The following KLHL20 variants were observed in gnomAD, a reference collection of about 807,000 sequenced individuals.
KLHL20 encodes the protein kelch-like protein 20.
KLHL20 carries 29 observed loss-of-function variants against 69.5 expected under a neutral mutation model. That is an observed-to-expected ratio of 0.42 (90% CI 0.31 to 0.57). The LOEUF is 0.57. KLHL20 is among the 20% of genes least tolerant of loss of function. The pLI, the probability that KLHL20 is intolerant of heterozygous loss-of-function variation, is 0.18. For missense variants in KLHL20, 419 were observed against 776.0 expected (o/e 0.54, Z 5.47); for synonymous variants, 253 against 265.2 (o/e 0.95, Z 0.45).
rs1202132760 is a variant in KLHL20 at position 173,733,892 on chromosome 1, G to GTGA, written c.206_208dup (p.Asp69dup). The GTGA allele has an allele frequency of 6.2e-7, 1 of 1,614,188 alleles. No individual in the cohort carries two copies. The highest frequency in any genetic ancestry group is 1.1e-5 in the South Asian group (1 of 91,086). ...CTTCTGAGAAAGCACCGGGAGCTATGTGATGTGGTGCTAGTTGTGGGCGCC... is the reference window on the plus strand; with the variant it reads ...CTTCTGAGAAAGCACCGGGAGCTATGTGATGATGTGGTGCTAGTTGTGGGCGCC... On this transcript the variant is annotated inframe_insertion, in exon 3 of 12. Coordinates refer to ENST00000209884, the MANE Select transcript of KLHL20 (RefSeq NM_014458.4).
intron 3 of KLHL20, among the ~76,000 whole-genome samples, chr1:173,742,920 G>A (rs1672886184): frequency 6.6e-6 from 1 of 151,606 alleles, no homozygotes; most frequent in Non-Finnish European, 1.5e-5. Context: ...TGGTTTGATT[G>A]CATAAAAGTT....
intron 10 of KLHL20, 109 bp downstream of exon 10, chr1:173,775,951 G>C: frequency 1.1e-6 from 1 of 900,028 alleles, no homozygotes; most frequent in African/African-American, 1.7e-5. Flanking sequence ...CCTTTCTTTG[G>C]GGTATATACC....
intron 11 of KLHL20, 99 bp downstream of exon 11, chr1:173,782,329 T>G (rs1037088563): frequency 1.2e-6 from 1 of 823,866 alleles, no homozygotes; most frequent in Non-Finnish European, 2.0e-6. Flanking sequence ...GTCAGTACAT[T>G]GGAGTACTTT....
chr1:173,744,660 C>A (rs1270181879), intron 3 of KLHL20, among the ~76,000 whole-genome samples: 1 of 151,994 alleles, frequency 6.6e-6, no homozygotes, highest in Non-Finnish European at 1.5e-5. Context: ...CTAATTTTAT[C>A]TTTTTCCAAA....
At chr1:173,763,656 A>G (rs1219233413) in intron 7 of KLHL20, among the ~76,000 whole-genome samples, 2 of 152,134 alleles carry the variant, frequency 1.3e-5, no homozygotes, top group Non-Finnish European at 2.9e-5. Flanking sequence ...CTTTTCAACA[A>G]ATGTTGCTGG....
At chr1:173,715,362 T>TG (rs1671420378) in intron 1 of KLHL20, 1 of 152,292 alleles carries the variant, frequency 6.6e-6, no homozygotes, top group African/African-American at 2.4e-5. Context: ...CCCCAGACAG[T>TG]GTTTGGAATT....
At chr1:173,737,949 C>CTTTTTTTTTTTTTTTTTT (rs79506793) in intron 3 of KLHL20, among the ~76,000 whole-genome samples, 1 of 138,168 alleles carries the variant, frequency 7.2e-6, no homozygotes, top group Non-Finnish European at 1.6e-5. Context: ...AGTATTTTAT[C>CTTTTTTTTTTTTTTTTTT]TTTTTTTTTT....
chr1:173,763,331 A>T (rs1020783634), intron 7 of KLHL20, among the ~76,000 whole-genome samples: 1 of 152,306 alleles, frequency 6.6e-6, no homozygotes, highest in South Asian at 2.1e-4. Flanking sequence ...TACAAATTCA[A>T]TGCAATCACC....
chr1:173,716,575 T>C (rs1463829700), intron 2 of KLHL20, among the ~76,000 whole-genome samples: 1 of 152,142 alleles, frequency 6.6e-6, no homozygotes, highest in Non-Finnish European at 1.5e-5. Flanking sequence ...ACTTAGTCCA[T>C]AGAAAAATAG....
At chr1:173,740,599 T>C (rs968897970) in intron 3 of KLHL20, among the ~76,000 whole-genome samples, 6 of 152,192 alleles carry the variant, frequency 3.9e-5, no homozygotes, top group African/African-American at 1.4e-4. Context: ...ATCACTATTA[T>C]TGTCAGTTTA....
chr1:173,749,608 T>C (rs1673215072), intron 3 of KLHL20, among the ~76,000 whole-genome samples: 1 of 152,210 alleles, frequency 6.6e-6, no homozygotes, highest in African/African-American at 2.4e-5. Context: ...ATTTTTACTC[T>C]CTGCTCTTAG....
At chr1:173,728,975 C>T (rs6425253) in intron 2 of KLHL20, among the ~76,000 whole-genome samples, 38,589 of 151,832 alleles carry the variant, frequency 0.25, 5,022 homozygotes, top group Middle Eastern at 0.39. Flanking sequence ...ATTGATAGAC[C>T]GCTAGCAAGA....
At chr1:173,746,979 T>G (rs1373904440) in intron 3 of KLHL20, among the ~76,000 whole-genome samples, 2 of 151,972 alleles carry the variant, frequency 1.3e-5, no homozygotes, top group Non-Finnish European at 2.9e-5. Context: ...AAGCTATTAA[T>G]AGTTTTTTTT....
chr1:173,740,123 CTTTTTTT>C (rs377138582), intron 3 of KLHL20, among the ~76,000 whole-genome samples: 1 of 122,248 alleles, frequency 8.2e-6, no homozygotes. Context: ...TTTCTTTTTT[CTTTTTTT>C]TTTTTTTTAA....
chr1:173,742,951 A>G (rs967290536), intron 3 of KLHL20, among the ~76,000 whole-genome samples: 3 of 151,786 alleles, frequency 2.0e-5, no homozygotes, highest in Non-Finnish European at 2.9e-5. Context: ...GTTCTTTCCA[A>G]CATAAAAAGC....
intron 2 of KLHL20, among the ~76,000 whole-genome samples, chr1:173,731,854 T>TA (rs1672293987): frequency 6.6e-6 from 1 of 151,940 alleles, no homozygotes; most frequent in Non-Finnish European, 1.5e-5. Flanking sequence ...CCCTAAAACT[T>TA]AAAGTATAAT....
intron 2 of KLHL20, among the ~76,000 whole-genome samples, chr1:173,731,872 AC>A (rs1428670607): frequency 1.3e-5 from 2 of 152,142 alleles, no homozygotes; most frequent in East Asian, 1.9e-4. Flanking sequence ...AATTAAAAAA[AC>A]ATTTAAAAAA....
intron 2 of KLHL20, among the ~76,000 whole-genome samples, chr1:173,721,334 ATACT>A (rs1421586265): frequency 2.0e-5 from 3 of 152,230 alleles, no homozygotes; most frequent in Admixed American, 6.5e-5. Flanking sequence ...AGTGTAAAAC[ATACT>A]TGCTTGATTT....
intron 2 of KLHL20, among the ~76,000 whole-genome samples, chr1:173,717,209 CT>C (rs1571839489): frequency 6.6e-6 from 1 of 152,150 alleles, no homozygotes; most frequent in African/African-American, 2.4e-5. Flanking sequence ...AATGTCATAT[CT>C]TATATAATTG....
Sources: allele counts gnomAD v4.1 joint callset (sites outside exome capture counted in the v4.1 genomes callset), GRCh38; gene constraint gnomAD v4.1.1; transcripts MANE v1.5; gene names NCBI Gene and HGNC (gene_info 2026-07-23, HGNC 2026-07-21).